The following MCCD1 variants were observed in gnomAD, a reference collection of about 807,000 sequenced individuals.
The protein encoded by MCCD1 is mitochondrial coiled-coil domain protein 1.
Under a neutral mutation model 5.6 loss-of-function variants are expected in MCCD1, and 5 were observed. That is an observed-to-expected ratio of 0.89 (90% CI 0.46 to 1.87). The LOEUF is 1.87. Ranked by LOEUF, MCCD1 falls within the 40% of genes most tolerant of loss-of-function variation. The probability of loss-of-function intolerance (pLI) is 0.01; values close to 1 mark genes in which losing one functional copy is unlikely to be tolerated. For synonymous variants in MCCD1, 70 were observed against 57.3 expected, an observed-to-expected ratio of 1.22 and a Z score of -1.00; for missense variants, 178 against 141.8, an observed-to-expected ratio of 1.26 and a Z score of -1.30.
At chr6:31,529,215 G>A in intron 1 of MCCD1, 30 bp downstream of exon 1, 1 of 1,603,294 alleles carries the variant, frequency 6.2e-7, no homozygotes, top group Non-Finnish European at 8.5e-7. Flanking sequence ...GGAACAGAGG[G>A]TGTGAGAATT....
At position 31,529,031 on chromosome 6, in the gene MCCD1, CCTGG is replaced by C. The variant is rs1217060363; in HGVS notation, c.20_23del (p.Trp7SerfsTer45). The C allele has an allele frequency of 6.2e-7, 1 of 1,612,504 alleles. No homozygotes were observed. Among genetic ancestry groups the C allele is most frequent in the South Asian group, 1.1e-5 (1 of 91,056 alleles). On this transcript the variant is annotated frameshift_variant, in exon 1 of 2. Coordinates refer to ENST00000376191, the MANE Select transcript of MCCD1 (RefSeq NM_001011700.3). LOFTEE classifies it high-confidence loss of function. ...TCACCCGCCATGGTCCTCCCTCTGC[CCTGG>C]CTCTCTCGGTACCATTTCCTTCGCC...
At position 31,529,627 on chromosome 6, in the gene MCCD1, G is replaced by A. The variant is rs1005249340; in HGVS notation, c.172-120G>A. ...TCAGTACAGGTGTCCTTAAACGACC[G>A]GTTCAAAAACGAATAGGGAAGGTGG... On this transcript the variant is annotated intron_variant, in intron 1 of 1. Coordinates refer to ENST00000376191, the MANE Select transcript of MCCD1 (RefSeq NM_001011700.3). 8.1e-5 allele frequency: 100 copies of A among 1,227,926 alleles called. No individual in the cohort carries two copies. The East Asian group carries it at 2.1e-3, about 25-fold the overall frequency. The allele number at this position is 1,227,926 out of a possible 1,614,324, so 76.1% of individuals were successfully genotyped here. A position where few individuals can be genotyped will look rare whatever the true frequency, so the allele number is the denominator to read the frequency against.
Position 31,529,735 on chromosome 6 carries a change from T to A in MCCD1, c.172-12T>A, listed in dbSNP as rs1325982159. 2 of 1,449,960 alleles carry A rather than the reference T, an allele frequency of 1.4e-6. No homozygotes were observed. Among genetic ancestry groups the A allele is most frequent in the Non-Finnish European group, 1.8e-6 (2 of 1,096,074 alleles). 89.8% of individuals were successfully genotyped at this position (1,449,960 alleles called of 1,614,324 possible). Reference sequence around the variant, plus strand: ...CCCTGGCTGATGCTCCCTCCCTTAATTCCCTGACCAGGGCCCTGGGACCCA... The same window carrying A: ...CCCTGGCTGATGCTCCCTCCCTTAAATCCCTGACCAGGGCCCTGGGACCCA... On this transcript the variant is annotated splice_polypyrimidine_tract_variant and intron_variant, in intron 1 of 1. Transcript: ENST00000376191.
Position 31,529,822 on chromosome 6 carries a change from G to A in MCCD1, c.247G>A (p.Ala83Thr). The A allele has an allele frequency of 6.3e-7, 1 of 1,599,822 alleles. No homozygotes were observed. The highest frequency in any genetic ancestry group is 8.5e-7 in the Non-Finnish European group (1 of 1,174,404). The change falls in exon 2 of 2, where the codon GCC (alanine) becomes ACC (threonine). Residue 83 changes from alanine to threonine, a missense_variant. Ala to Thr is a moderately conservative substitution (Grantham distance 58, BLOSUM62 0). Coordinates refer to ENST00000376191, the MANE Select transcript of MCCD1 (RefSeq NM_001011700.3). Reference sequence around the variant, plus strand: ...GGAGCAGCAGCTGGAGCTGTACCAGGCCCTCCTTGAAGGGCAGGAGGGAGC... The same window carrying A: ...GGAGCAGCAGCTGGAGCTGTACCAGACCCTCCTTGAAGGGCAGGAGGGAGC... ...LLEQQLELYQ[A>T]LLEGQEGAWE...
chr6:31,529,185 G>C lies in MCCD1; in HGVS notation c.171G>C (p.Arg57Ser), dbSNP rs778094151. ...ATGGGAAGATGACGTCCCCTCCCAG[G>C]GTAAGTGGCACCACAGGTAGGAACA... is the stretch of plus-strand genomic sequence containing the variant. ...RGNGKMTSPP[R>S]GPGTHRTAEL... The change falls in exon 1 of 2, where the codon AGG becomes AGC. Residue 57 changes from arginine to serine, a missense_variant and splice_region_variant. Physicochemically the swap from Arg to Ser is moderately radical, Grantham distance 110 (BLOSUM62 -1). Transcript: ENST00000376191. 8.7e-6 allele frequency: 14 copies of C among 1,611,938 alleles called. No individual in the cohort carries two copies. Among genetic ancestry groups the C allele is most frequent in the Non-Finnish European group, 1.0e-5 (12 of 1,179,514 alleles).
Position 31,529,821 on chromosome 6 carries a change from G to A in MCCD1, c.246G>A (p.Gln82=). 6.2e-7 allele frequency: 1 copy of A among 1,600,018 alleles called. No homozygotes were observed. Among genetic ancestry groups the A allele is most frequent in the Non-Finnish European group, 8.5e-7 (1 of 1,174,454 alleles). ...ELLEQQLELY[Q]ALLEGQEGAW... The stretch of plus-strand genomic sequence containing the variant: ...TGGAGCAGCAGCTGGAGCTGTACCA[G>A]GCCCTCCTTGAAGGGCAGGAGGGAG... The change falls in exon 2 of 2, where the codon CAG becomes CAA. Residue 82 remains glutamine (Q), a synonymous_variant. Coordinates refer to ENST00000376191, the MANE Select transcript of MCCD1 (RefSeq NM_001011700.3).
rs1248710848 is a variant in MCCD1 at position 31,529,141 on chromosome 6, C to G, written c.127C>G (p.Gln43Glu). The G allele has an allele frequency of 1.2e-6, 2 of 1,612,714 alleles. No homozygotes were observed. The highest frequency in any genetic ancestry group is 1.1e-5 in the South Asian group (1 of 91,056). ...AAACCCCAAAGCAAGCATGGAAGAG[C>G]AGACCAGCTCCAGAGGAAATGGGAA... Reference protein sequence around the residue: ...SQNPKASMEEQTSSRGNGKMT... With the variant: ...SQNPKASMEEETSSRGNGKMT... Residue 43 changes from glutamine (Q) to glutamate (E), a missense_variant, in exon 1 of 2, where the codon CAG becomes GAG. Transcript: ENST00000376191.
chr6:31,529,800 G>A lies in MCCD1; in HGVS notation c.225G>A (p.Glu75=), dbSNP rs1383013727. 2 of 1,581,492 alleles carry A rather than the reference G, an allele frequency of 1.3e-6. No homozygotes were observed. Among genetic ancestry groups the A allele is most frequent in the Non-Finnish European group, 1.7e-6 (2 of 1,161,470 alleles). ...AELARAEELL[E]QQLELYQALL... is the part of the protein sequence containing the mutation. The stretch of plus-strand genomic sequence containing the variant: ...TGGCCCGAGCTGAAGAGTTGTTGGA[G>A]CAGCAGCTGGAGCTGTACCAGGCCC... The change falls in exon 2 of 2, where the codon GAG becomes GAA. Residue 75 remains glutamate (E), a synonymous_variant. Transcript: ENST00000376191.
rs970245016 is a variant in MCCD1, at chr6:31,529,922, G to A, written c.347G>A (p.Gly116Glu). 2.6e-6 allele frequency: 4 copies of A among 1,528,278 alleles called. No homozygotes were observed. In the African/African-American group the frequency reaches 5.5e-5, roughly 21 times the overall value. 94.7% of individuals were successfully genotyped at this position (1,528,278 alleles called of 1,614,324 possible). ...EQMRRHQESL[G>E]GGA is the part of the protein sequence containing the mutation. Reference sequence around the variant, plus strand: ...ATGAGGAGGCACCAAGAGAGCCTTGGAGGAGGCGCCTAAGTTTCCCCCAGT... The same window carrying A: ...ATGAGGAGGCACCAAGAGAGCCTTGAAGGAGGCGCCTAAGTTTCCCCCAGT... Residue 116 changes from glycine to glutamate, a missense_variant, in exon 2 of 2, where the codon GGA becomes GAA. Coordinates refer to ENST00000376191, the MANE Select transcript of MCCD1 (RefSeq NM_001011700.3).
intron 1 of MCCD1, 55 bp downstream of exon 1, chr6:31,529,240 G>C: frequency 1.3e-6 from 2 of 1,560,964 alleles, no homozygotes; most frequent in Non-Finnish European, 1.7e-6. Flanking sequence ...CTGGGGTGTG[G>C]GAAAAAAAAA....
In MCCD1 at chr6:31,529,210, A is replaced by G. The variant is rs184818950; in HGVS notation, c.171+25A>G. On this transcript the variant is annotated intron_variant, in intron 1 of 1. Coordinates refer to ENST00000376191, the MANE Select transcript of MCCD1 (RefSeq NM_001011700.3). ...GGTAAGTGGCACCACAGGTAGGAAC[A>G]GAGGGTGTGAGAATTTACACTGGGG... The G allele has an allele frequency of 2.7e-4, 429 of 1,605,574 alleles. 4 individuals carry two copies. In the East Asian group the frequency reaches 8.6e-3, roughly 32 times the overall value.
Position 31,529,981 on chromosome 6 carries a change from C to A in MCCD1, c.*46C>A. On this transcript the variant is annotated 3_prime_UTR_variant, in exon 2 of 2. Coordinates refer to ENST00000376191, the MANE Select transcript of MCCD1 (RefSeq NM_001011700.3). Reference sequence around the variant, plus strand: ...CACCCTCCGGCGCTGAAAATACACGCACCACCCACCAGGAGCCTTGGGATC... The same window carrying A: ...CACCCTCCGGCGCTGAAAATACACGAACCACCCACCAGGAGCCTTGGGATC... 1 of 1,443,164 alleles carries A rather than the reference C, an allele frequency of 6.9e-7. No homozygotes were observed. Among genetic ancestry groups the A allele is most frequent in the Non-Finnish European group, 9.2e-7 (1 of 1,091,816 alleles). The allele number at this position is 1,443,164 out of a possible 1,614,324, so 89.4% of individuals were successfully genotyped here.
chr6:31,530,052 C>T lies in MCCD1; in HGVS notation c.*117C>T. The T allele has an allele frequency of 7.0e-7, 1 of 1,423,444 alleles. No individual in the cohort carries two copies. Among genetic ancestry groups the T allele is most frequent in the Non-Finnish European group, 9.2e-7 (1 of 1,085,066 alleles). The allele number at this position is 1,423,444 out of a possible 1,614,324, so 88.2% of individuals were successfully genotyped here. On this transcript the variant is annotated 3_prime_UTR_variant, in exon 2 of 2. Coordinates refer to ENST00000376191, the MANE Select transcript of MCCD1 (RefSeq NM_001011700.3). The surrounding 1 kb of genome is among the most constrained non-coding windows in gnomAD (Gnocchi z 4.5). ...CCAGGCCAGAGAAAGTGGAAGAGAC[C>T]ACAAAGCGCAGGCAATTGGCAGGCA...
In MCCD1 at chr6:31,529,846, GC is replaced by G. The variant is rs1766941460; in HGVS notation, c.273del (p.Trp92GlyfsTer13). The stretch of plus-strand genomic sequence containing the variant: ...GGCCCTCCTTGAAGGGCAGGAGGGA[GC>G]CTGGGAGGCCCAAGCCCTGGTGCTC... ...YQALLEGQEG[A>X]WEAQALVLKI... On this transcript the variant is annotated frameshift_variant, in exon 2 of 2. Transcript: ENST00000376191. LOFTEE classifies it low-confidence loss of function (END_TRUNC). 1 of 1,587,600 alleles carries G rather than the reference GC, an allele frequency of 6.3e-7. No individual in the cohort carries two copies. The highest frequency in any genetic ancestry group is 8.6e-7 in the Non-Finnish European group (1 of 1,168,978).
In MCCD1 at chr6:31,529,748, G is replaced by A. The variant is rs769782749; in HGVS notation, c.173G>A (p.Gly58Asp). The A allele has an allele frequency of 6.8e-7, 1 of 1,478,062 alleles. No individual in the cohort carries two copies. Among genetic ancestry groups the A allele is most frequent in the Non-Finnish European group, 9.0e-7 (1 of 1,108,996 alleles). The allele number at this position is 1,478,062 out of a possible 1,614,324, so 91.6% of individuals were successfully genotyped here. The part of the protein sequence containing the change: ...GNGKMTSPPR[G>D]PGTHRTAELA... ...TCCCTCCCTTAATTCCCTGACCAGGGCCCTGGGACCCACCGCACAGCTGAG... is the reference window on the plus strand; with the variant it reads ...TCCCTCCCTTAATTCCCTGACCAGGACCCTGGGACCCACCGCACAGCTGAG... The change falls in exon 2 of 2, where the codon GGC becomes GAC. Residue 58 changes from glycine (G) to aspartate (D), a missense_variant and splice_region_variant. Physicochemically the swap from Gly to Asp is moderately conservative, Grantham distance 94. Coordinates refer to ENST00000376191, the MANE Select transcript of MCCD1 (RefSeq NM_001011700.3).
intron 1 of MCCD1, 113 bp downstream of exon 1, chr6:31,529,298 CTCTTT>C (rs1766862238): frequency 1.7e-6 from 2 of 1,174,690 alleles, no homozygotes; most frequent in Non-Finnish European, 1.2e-6. Flanking sequence ...ACCCCTGCAG[CTCTTT>C]TCTTAGTTCA....
chr6:31,529,295 C>A, intron 1 of MCCD1, 110 bp downstream of exon 1: 2 of 1,182,526 alleles, frequency 1.7e-6, no homozygotes, highest in Non-Finnish European at 2.3e-6. Flanking sequence ...CCTACCCCTG[C>A]AGCTCTTTTC....
chr6:31,530,200 C>A lies in MCCD1; in HGVS notation c.*265C>A. On this transcript the variant is annotated 3_prime_UTR_variant, in exon 2 of 2. Coordinates refer to ENST00000376191, the MANE Select transcript of MCCD1 (RefSeq NM_001011700.3). This position sits in a 1 kb window ranked among gnomAD's most constrained non-coding sequence, Gnocchi z 4.5. ...CCCTAAAATAACCTCACCCCAAATA[C>A]AATAAAGGGACGAAGCACTTATAGA... 1 of 783,022 alleles carries A rather than the reference C, an allele frequency of 1.3e-6. No homozygotes were observed. Among genetic ancestry groups the A allele is most frequent in the Non-Finnish European group, 2.0e-6 (1 of 502,490 alleles). The allele number at this position is 783,022 out of a possible 1,614,324, so 48.5% of individuals were successfully genotyped here.
Position 31,529,750 on chromosome 6 carries a change from C to T in MCCD1, c.175C>T (p.Pro59Ser). Residue 59 changes from proline (P) to serine (S), a missense_variant, in exon 2 of 2, where the codon CCT becomes TCT. By Grantham distance (74) the Pro-to-Ser change is moderately conservative. Transcript: ENST00000376191. ...NGKMTSPPRG[P>S]GTHRTAELAR... ...CCTCCCTTAATTCCCTGACCAGGGC[C>T]CTGGGACCCACCGCACAGCTGAGCT... 1 of 1,494,520 alleles carries T rather than the reference C, an allele frequency of 6.7e-7. No individual in the cohort carries two copies. The highest frequency in any genetic ancestry group is 9.0e-7 in the Non-Finnish European group (1 of 1,117,096). The allele number at this position is 1,494,520 out of a possible 1,614,324, so 92.6% of individuals were successfully genotyped here. A position where few individuals can be genotyped will look rare whatever the true frequency, so the allele number is the denominator to read the frequency against.
Sources: allele counts gnomAD v4.1 joint callset, GRCh38; gene constraint gnomAD v4.1.1; non-coding constraint Gnocchi (gnomAD v3.1); transcripts MANE v1.5; gene names NCBI Gene and HGNC (gene_info 2026-07-23, HGNC 2026-07-21).